Variants in STPG2 observed in about 807,000 individuals in gnomAD.
STPG2 encodes the protein sperm-tail PG-rich repeat-containing protein 2.
STPG2 carries 56 observed loss-of-function variants against 54.2 expected under a neutral mutation model. The observed-to-expected ratio is 1.03, with a 90% CI of 0.83 to 1.29. The LOEUF is 1.29. Ranked by LOEUF, STPG2 falls within the 50% of genes most tolerant of loss-of-function variation. The pLI is 0.00. For missense variants in STPG2, 596 were observed against 544.9 expected (o/e 1.09, Z -0.93); for synonymous variants, 200 against 181.8 (o/e 1.10, Z -0.81).
At chr4:97,497,826 T>C (rs1730642578) in intron 4 of STPG2, among the ~76,000 whole-genome samples, 1 of 151,954 alleles carries the variant, frequency 6.6e-6, no homozygotes, top group Non-Finnish European at 1.5e-5. Flanking sequence ...TTCATCCTTT[T>C]TGTATCTACA....
intron 3 of STPG2, among the ~76,000 whole-genome samples, chr4:98,117,453 T>A (rs1167244476): frequency 6.6e-6 from 1 of 152,072 alleles, no homozygotes; most frequent in Non-Finnish European, 1.5e-5. Context: ...CTTTCTGTAA[T>A]GTTTTTTCAT....
intron 10 of STPG2, among the ~76,000 whole-genome samples, chr4:97,590,922 G>A (rs999069685): frequency 1.3e-5 from 2 of 151,970 alleles, no homozygotes; most frequent in Non-Finnish European, 2.9e-5. Context: ...AAATGCATCA[G>A]GAAAATAGGC....
At chr4:97,577,410 T>TA (rs58133955) in intron 10 of STPG2, among the ~76,000 whole-genome samples, 7,775 of 151,510 alleles carry the variant, frequency 0.051, 628 homozygotes, top group African/African-American at 0.17. Context: ...CCAACAGCCA[T>TA]AAAAAAAAAT....
At chr4:97,801,497 C>A (rs984090598) in intron 9 of STPG2, among the ~76,000 whole-genome samples, 1 of 152,154 alleles carries the variant, frequency 6.6e-6, no homozygotes, top group African/African-American at 2.4e-5. Flanking sequence ...AGAACTTGCA[C>A]AACGATTTCT....
At chr4:97,466,093 A>C (rs1335393018) in intron 4 of STPG2, among the ~76,000 whole-genome samples, 1 of 152,108 alleles carries the variant, frequency 6.6e-6, no homozygotes, top group East Asian at 1.9e-4. Context: ...AATCCTTTAT[A>C]TCTATGTATT....
chr4:97,577,332 A>G (rs1732748017), intron 10 of STPG2, among the ~76,000 whole-genome samples: 1 of 152,234 alleles, frequency 6.6e-6, no homozygotes, highest in Non-Finnish European at 1.5e-5. Flanking sequence ...AATGTCATGG[A>G]ATCAACCTAG....
chr4:98,060,373 T>A (rs982674733), intron 5 of STPG2, among the ~76,000 whole-genome samples: 2 of 151,890 alleles, frequency 1.3e-5, no homozygotes, highest in African/African-American at 4.8e-5. Flanking sequence ...AGGTGAAAGA[T>A]CTCTACAATG....
rs886191650 is a variant in STPG2, at chr4:97,538,073, A to C, written c.462+174626T>G. 3.3e-5 allele frequency among the ~76,000 whole-genome samples: 5 copies of C among 152,204 alleles called. No homozygotes were observed. The South Asian group carries it at 1.0e-3, about 31-fold the overall frequency. ...CACCATCATCAAAGACCAAAGGTAG[A>C]AAAAACCACAAAGATGGGGAAAAAA... On this transcript the variant is annotated intron_variant, in intron 4 of 4. Transcript: ENST00000522676.
intron 10 of STPG2, among the ~76,000 whole-genome samples, chr4:97,586,486 A>G (rs1182578653): frequency 6.6e-6 from 1 of 152,000 alleles, no homozygotes; most frequent in Admixed American, 6.6e-5. Flanking sequence ...AGTAAACTCC[A>G]AACAGGATAA....
intron 10 of STPG2, among the ~76,000 whole-genome samples, chr4:97,637,565 T>A (rs1165947300): frequency 2.0e-5 from 3 of 152,088 alleles, no homozygotes; most frequent in African/African-American, 2.4e-5. Context: ...CCCTGTTTGC[T>A]GATGACATGA....
chr4:98,069,726 A>T (rs948269895), intron 5 of STPG2, among the ~76,000 whole-genome samples: 4 of 152,082 alleles, frequency 2.6e-5, no homozygotes, highest in Non-Finnish European at 5.9e-5. Context: ...ATGGCCCTAG[A>T]AAGATGAAGA....
chr4:97,926,393 G>C (rs1272902457), intron 8 of STPG2, among the ~76,000 whole-genome samples: 4 of 151,946 alleles, frequency 2.6e-5, no homozygotes, highest in Non-Finnish European at 5.9e-5. Context: ...ATCCAAGAAG[G>C]GCTCTCTCTT....
chr4:97,981,908 G>A (rs940485137), intron 5 of STPG2, among the ~76,000 whole-genome samples: 14 of 142,622 alleles, frequency 9.8e-5, no homozygotes, highest in African/African-American at 2.1e-4. Flanking sequence ...TTTTTGAGAC[G>A]GAGTCTCGCT....
chr4:97,792,210 T>C (rs985275980), intron 9 of STPG2, among the ~76,000 whole-genome samples: 1 of 152,226 alleles, frequency 6.6e-6, no homozygotes, highest in African/African-American at 2.4e-5. Context: ...AGCTATAGTA[T>C]ATACTATATA....
intron 10 of STPG2, among the ~76,000 whole-genome samples, chr4:97,687,060 C>A (rs1384311923): frequency 6.6e-6 from 1 of 151,618 alleles, no homozygotes; most frequent in East Asian, 2.0e-4. Context: ...CCTGCCTCAG[C>A]CTCCCGAGTA....
At chr4:97,496,043 T>A (rs1730604975) in intron 4 of STPG2, among the ~76,000 whole-genome samples, 1 of 151,606 alleles carries the variant, frequency 6.6e-6, no homozygotes. Flanking sequence ...CATAAATATG[T>A]TGAAAATCAA....
chr4:97,970,766 T>C (rs955355365), intron 7 of STPG2, among the ~76,000 whole-genome samples: 5 of 152,134 alleles, frequency 3.3e-5, no homozygotes, highest in African/African-American at 7.2e-5. Flanking sequence ...ACTTCATGTC[T>C]AAAACACCAA....
At chr4:97,968,804 T>C (rs1044427942) in intron 7 of STPG2, among the ~76,000 whole-genome samples, 9 of 152,224 alleles carry the variant, frequency 5.9e-5, no homozygotes, top group African/African-American at 1.7e-4. Flanking sequence ...AACTGATTAT[T>C]GTAAATACAA....
At chr4:97,731,574 C>A (rs1387892688) in intron 9 of STPG2, among the ~76,000 whole-genome samples, 1 of 152,160 alleles carries the variant, frequency 6.6e-6, no homozygotes, top group Non-Finnish European at 1.5e-5. Flanking sequence ...CAGAAGCTGG[C>A]CTGAACATCT....
Sources: allele counts gnomAD v4.1 joint callset (sites outside exome capture counted in the v4.1 genomes callset), GRCh38; gene constraint gnomAD v4.1.1; transcripts MANE v1.5; gene names NCBI Gene and HGNC (gene_info 2026-07-23, HGNC 2026-07-21).